The following KDM3B variants were observed in gnomAD, a reference collection of about 807,000 sequenced individuals.
KDM3B encodes the protein lysine demethylase 3B.
Under a neutral mutation model 170.0 loss-of-function variants are expected in KDM3B, and 10 were observed. The ratio of observed to expected loss-of-function variants is 0.06; its 90% CI spans 0.04 to 0.10. The LOEUF (loss-of-function observed/expected upper bound fraction) is 0.10. Ranked by LOEUF, KDM3B falls within the 10% of genes least tolerant of loss-of-function variation. The probability of loss-of-function intolerance (pLI) is 1.00; values close to 1 mark genes in which losing one functional copy is unlikely to be tolerated. For missense variants in KDM3B, 1,394 were observed against 2,195.2 expected (o/e 0.64, Z 7.29); for synonymous variants, 831 against 834.8 (o/e 1.00, Z 0.08).
intron 9 of KDM3B, among the ~76,000 whole-genome samples, chr5:138,395,434 A>G (rs1762522918): frequency 6.6e-6 from 1 of 152,186 alleles, no homozygotes; most frequent in African/African-American, 2.4e-5. Flanking sequence ...AACTAAAGAA[A>G]GTATTTCCAG....
chr5:138,407,574 G>C (rs558855136), intron 11 of KDM3B, among the ~76,000 whole-genome samples: 1 of 152,000 alleles, frequency 6.6e-6, no homozygotes, highest in Non-Finnish European at 1.5e-5. Flanking sequence ...CCCAGACAAC[G>C]TAGCTGCTTC....
chr5:138,392,254 C>T lies in KDM3B; in HGVS notation c.2622C>T (p.Pro874=), dbSNP rs777204132. The change falls in exon 8 of 24, where the codon CCC becomes CCT. Residue 874 remains proline (P), a synonymous_variant. Coordinates refer to ENST00000314358, the MANE Select transcript of KDM3B (RefSeq NM_016604.4). ...CCAAGGGCCGGCCTCGGACTGCCCC[C>T]CTGAAAGGTGATCCTGCTGGGGCTA... The part of the protein sequence containing the change: ...QAPKGRPRTA[P]LKVGQSVLKD... 1.9e-5 allele frequency: 29 copies of T among 1,488,886 alleles called. No individual in the cohort carries two copies. The highest frequency in any genetic ancestry group is 1.5e-4 in the African/African-American group (11 of 71,296). The allele number at this position is 1,488,886 out of a possible 1,614,324, so 92.2% of individuals were successfully genotyped here.
At chr5:138,378,114 T>G (rs1261962315) in intron 4 of KDM3B, among the ~76,000 whole-genome samples, 1 of 152,162 alleles carries the variant, frequency 6.6e-6, no homozygotes, top group East Asian at 1.9e-4. Flanking sequence ...CTGTCTAAGG[T>G]CCATCCATCC....
intron 1 of KDM3B, 87 bp downstream of exon 1, chr5:138,353,074 GGA>G: frequency 4.0e-6 from 4 of 1,001,462 alleles, no homozygotes; most frequent in African/African-American, 1.7e-5. Context: ...GGGGGCGGTG[GGA>G]TGGGGGTGAC....
chr5:138,363,921 T>C (rs901110118), intron 1 of KDM3B, among the ~76,000 whole-genome samples: 5 of 151,004 alleles, frequency 3.3e-5, no homozygotes, highest in Non-Finnish European at 7.4e-5. Flanking sequence ...TTTCTTTTTT[T>C]TTTTTTTTCG....
rs543391963 is a variant in KDM3B, at chr5:138,396,273, T to C, written c.2832-1905T>C. On this transcript the variant is annotated intron_variant, in intron 9 of 23. Coordinates refer to ENST00000314358, the MANE Select transcript of KDM3B (RefSeq NM_016604.4). Reference sequence around the variant, plus strand: ...ACCACACCCAGCTAATTTTTTATATTTTTAGTAGAGACAGGGTTTCACCGT... The same window carrying C: ...ACCACACCCAGCTAATTTTTTATATCTTTAGTAGAGACAGGGTTTCACCGT... Among the ~76,000 whole-genome samples, 155 of 152,078 alleles carry C rather than the reference T, an allele frequency of 1.0e-3. 1 individual carries two copies. Among genetic ancestry groups the C allele is most frequent in the Non-Finnish European group, 1.6e-3 (107 of 67,986 alleles).
At chr5:138,392,689 C>T (rs1283576880) in intron 8 of KDM3B, among the ~76,000 whole-genome samples, 1 of 152,184 alleles carries the variant, frequency 6.6e-6, no homozygotes, top group African/African-American at 2.4e-5. Flanking sequence ...TCAGTTTGCT[C>T]CTCTCTGAAA....
chr5:138,407,616 A>C (rs1272672382), intron 11 of KDM3B, among the ~76,000 whole-genome samples: 1 of 152,182 alleles, frequency 6.6e-6, no homozygotes, highest in African/African-American at 2.4e-5. Context: ...ATATCAAGGT[A>C]CAGCATTCAT....
intron 1 of KDM3B, among the ~76,000 whole-genome samples, chr5:138,366,408 G>A (rs1761746406): frequency 6.6e-6 from 1 of 151,888 alleles, no homozygotes; most frequent in South Asian, 2.1e-4. Flanking sequence ...ATAGTTCACT[G>A]TAGCCCTGAC....
chr5:138,399,544 AT>A (rs761116995), intron 10 of KDM3B, among the ~76,000 whole-genome samples: 1 of 151,530 alleles, frequency 6.6e-6, no homozygotes, highest in Non-Finnish European at 1.5e-5. Flanking sequence ...TCTCAAAAAA[AT>A]ATATATATAT....
chr5:138,378,775 CATATATATATAGATTATATATATCATG>C (rs577120651), intron 4 of KDM3B, among the ~76,000 whole-genome samples: 2,414 of 148,294 alleles, frequency 0.016, 27 homozygotes, highest in Non-Finnish European at 0.023. Flanking sequence ...TAGGGAGATA[CATATATATATAGATTATATATATCATG>C]ATATATATAT....
intron 7 of KDM3B, among the ~76,000 whole-genome samples, chr5:138,388,146 A>G (rs1014479290): frequency 5.9e-5 from 9 of 152,182 alleles, no homozygotes; most frequent in Non-Finnish European, 1.3e-4. Context: ...TGGAGCTTAC[A>G]AAATAGACCA....
At chr5:138,406,071 G>A (rs554870277) in intron 11 of KDM3B, among the ~76,000 whole-genome samples, 2 of 152,344 alleles carry the variant, frequency 1.3e-5, no homozygotes, top group East Asian at 3.8e-4. Context: ...GACTGGCTAG[G>A]TTTGGTGGCT....
At chr5:138,425,146 G>T (rs993326677) in intron 16 of KDM3B, among the ~76,000 whole-genome samples, 2 of 152,178 alleles carry the variant, frequency 1.3e-5, no homozygotes, top group Non-Finnish European at 2.9e-5. Context: ...TCAGATTTTT[G>T]TCCTTTCACC....
chr5:138,378,228 G>GT (rs1266348221), intron 4 of KDM3B, among the ~76,000 whole-genome samples: 1 of 151,844 alleles, frequency 6.6e-6, no homozygotes, highest in African/African-American at 2.4e-5. Flanking sequence ...TTGAGTTTTA[G>GT]TTTTTTTTAT....
At chr5:138,414,312 A>G (rs749116751) in intron 11 of KDM3B, among the ~76,000 whole-genome samples, 20 of 151,960 alleles carry the variant, frequency 1.3e-4, no homozygotes, top group Non-Finnish European at 2.8e-4. Flanking sequence ...ACCACAGACA[A>G]CCGCCACCAC....
At chr5:138,378,816 G>A (rs1409700374) in intron 4 of KDM3B, among the ~76,000 whole-genome samples, 1 of 148,710 alleles carries the variant, frequency 6.7e-6, no homozygotes, top group African/African-American at 2.5e-5. Context: ...TATATATATA[G>A]ATATATATAG....
chr5:138,399,720 T>C, intron 10 of KDM3B, 140 bp from the exon 11 acceptor site: 1 of 662,312 alleles, frequency 1.5e-6, no homozygotes, highest in Non-Finnish European at 2.5e-6. Flanking sequence ...TTGTTTCTCC[T>C]ACAATTATAG....
chr5:138,358,657 C>T (rs1761519214), intron 1 of KDM3B, among the ~76,000 whole-genome samples: 1 of 151,728 alleles, frequency 6.6e-6, no homozygotes, highest in Non-Finnish European at 1.5e-5. Context: ...TACAGTGGTG[C>T]AGTCATAGCT....
Sources: allele counts gnomAD v4.1 joint callset (sites outside exome capture counted in the v4.1 genomes callset), GRCh38; gene constraint gnomAD v4.1.1; transcripts MANE v1.5; gene names NCBI Gene and HGNC (gene_info 2026-07-23, HGNC 2026-07-21).